MYO18A: variants seen among roughly 807,000 people sequenced by gnomAD.
MYO18A encodes the protein unconventional myosin-XVIIIa.
Under a neutral mutation model 235.8 loss-of-function variants are expected in MYO18A, and 78 were observed. The observed-to-expected ratio is 0.33, with a 90% confidence interval of 0.28 to 0.40. The LOEUF is 0.40. Among genes scored for constraint, MYO18A ranks in the 10% least tolerant of loss-of-function variants. The probability of loss-of-function intolerance (pLI) is 1.00; values close to 1 mark genes in which losing one functional copy is unlikely to be tolerated. For missense variants in MYO18A, 2,215 were observed against 2,699.3 expected, an observed-to-expected ratio of 0.82 and a Z score of 3.98; for synonymous variants, 977 against 1,077.8, an observed-to-expected ratio of 0.91 and a Z score of 1.83.
At chr17:29,130,382 C>G in intron 2 of MYO18A, among the ~76,000 whole-genome samples, 1 of 150,504 alleles carries the variant, frequency 6.6e-6, no homozygotes, top group Non-Finnish European at 1.5e-5. Context: ...ACAGTACTCA[C>G]TATGGGCCAT....
At chr17:29,122,606 C>T (rs560445405) in intron 2 of MYO18A, among the ~76,000 whole-genome samples, 3 of 152,232 alleles carry the variant, frequency 2.0e-5, no homozygotes, top group Non-Finnish European at 4.4e-5. Context: ...TGCTCCTCCA[C>T]CCTGTCAAGC....
chr17:29,115,986 A>G (rs2067050251), intron 11 of MYO18A, 146 bp from the exon 12 acceptor site: 2 of 826,430 alleles, frequency 2.4e-6, no homozygotes, highest in East Asian at 5.5e-5. Flanking sequence ...GAACAGGGGC[A>G]GCCAGCAGTG....
At chr17:29,097,465 A>G in intron 26 of MYO18A, 115 bp from the exon 27 acceptor site, 1 of 1,397,668 alleles carries the variant, frequency 7.2e-7, no homozygotes, top group Non-Finnish European at 9.8e-7. Flanking sequence ...AGGGCTCAGA[A>G]AGCTCTCTGC....
chr17:29,084,651 C>T lies in MYO18A; in HGVS notation c.5897+953G>A, dbSNP rs139467137. Among the ~76,000 whole-genome samples, 7 of 152,280 alleles carry T rather than the reference C, an allele frequency of 4.6e-5. No individual in the cohort carries two copies. The East Asian group carries it at 1.4e-3, about 29-fold the overall frequency. The stretch of plus-strand genomic sequence containing the variant: ...GGGGATATTAATTGTGTGTGACAAC[C>T]AGGCTCCAGCGGCCCTCTATCACTG... On this transcript the variant is annotated intron_variant, in intron 40 of 41. Coordinates refer to ENST00000527372, the MANE Select transcript of MYO18A (RefSeq NM_078471.4).
chr17:29,154,609 G>A, intron 2 of MYO18A, among the ~76,000 whole-genome samples: 1 of 152,210 alleles, frequency 6.6e-6, no homozygotes, highest in Admixed American at 6.5e-5. Flanking sequence ...TTGATCTTGA[G>A]GCATGGCCAA....
At chr17:29,176,854 C>G (rs565107803) in intron 1 of MYO18A, 1 of 152,136 alleles carries the variant, frequency 6.6e-6, no homozygotes, top group Non-Finnish European at 1.5e-5. Context: ...CGCGGGGAGC[C>G]GGGCGGCCCT....
chr17:29,094,611 G>A lies in MYO18A; in HGVS notation c.4710+39C>T, dbSNP rs765345143. 10 of 1,606,450 alleles carry A rather than the reference G, an allele frequency of 6.2e-6. No homozygotes were observed. The Middle Eastern group carries it at 4.9e-4, about 79-fold the overall frequency. ...TGGCTGTGGGGATGGTGGCGGCCTCGCTGCACCTCACCTCTCCCTTGGCCA... is the reference window on the plus strand; with the variant it reads ...TGGCTGTGGGGATGGTGGCGGCCTCACTGCACCTCACCTCTCCCTTGGCCA... On this transcript the variant is annotated intron_variant, in intron 30 of 41. Coordinates refer to ENST00000527372, the MANE Select transcript of MYO18A (RefSeq NM_078471.4).
At chr17:29,154,279 G>T (rs1208199236) in intron 2 of MYO18A, among the ~76,000 whole-genome samples, 1 of 152,042 alleles carries the variant, frequency 6.6e-6, no homozygotes, top group East Asian at 1.9e-4. Flanking sequence ...GTGTAGACAG[G>T]CCTCAGTGTG....
Position 29,111,977 on chromosome 17 carries a change from A to G in MYO18A, c.2599-114T>C. On this transcript the variant is annotated intron_variant, in intron 15 of 41. Coordinates refer to ENST00000527372, the MANE Select transcript of MYO18A (RefSeq NM_078471.4). The surrounding 1 kb of genome is among the most constrained non-coding windows in gnomAD (Gnocchi z 5.1). ...ATGCTACACATGTGCACACATGCACACACGCACATGCCGCAGCTCCTGCCG... is the reference window on the plus strand; with the variant it reads ...ATGCTACACATGTGCACACATGCACGCACGCACATGCCGCAGCTCCTGCCG... The G allele has an allele frequency of 7.6e-7, 1 of 1,311,246 alleles. No homozygotes were observed. The highest frequency in any genetic ancestry group is 1.0e-6 in the Non-Finnish European group (1 of 961,826). The allele number at this position is 1,311,246 out of a possible 1,614,324, so 81.2% of individuals were successfully genotyped here.
chr17:29,165,860 GGGTACCCCGATTACCCAGTCAAGCAGGA>G, intron 2 of MYO18A, 54 bp downstream of exon 2: 1 of 1,325,434 alleles, frequency 7.5e-7, no homozygotes, highest in Non-Finnish European at 1.0e-6. Context: ...AACAGCTCTT[GGGTACCCCGATTACCCAGTCAAGCAGGA>G]GGTGCCCACA....
At chr17:29,124,618 G>C in intron 2 of MYO18A, 1 of 1,266,376 alleles carries the variant, frequency 7.9e-7, no homozygotes, top group Non-Finnish European at 1.0e-6. Context: ...ACTGGAGGGA[G>C]CGGAGGGCTC....
intron 41 of MYO18A, chr17:29,080,639 C>T: frequency 1.0e-6 from 1 of 985,494 alleles, no homozygotes; most frequent in South Asian, 4.7e-5. Context: ...TCGCCAGAGC[C>T]CCGCCGCGTG....
At chr17:29,139,033 G>C (rs1057514154) in intron 2 of MYO18A, among the ~76,000 whole-genome samples, 1 of 152,202 alleles carries the variant, frequency 6.6e-6, no homozygotes, top group African/African-American at 2.4e-5. Context: ...AGCGGGGGAG[G>C]GGGAGATGAG....
At position 29,110,409 on chromosome 17, in the gene MYO18A, G is replaced by A. The variant is rs774121071; in HGVS notation, c.3087+27C>T. 4 of 1,554,334 alleles carry A rather than the reference G, an allele frequency of 2.6e-6. No individual in the cohort carries two copies. In the South Asian group the frequency reaches 4.8e-5, roughly 19 times the overall value. On this transcript the variant is annotated intron_variant, in intron 18 of 41. Coordinates refer to ENST00000527372, the MANE Select transcript of MYO18A (RefSeq NM_078471.4). ...GGGGTAAGGAAGGGTCCCCAGGCCTGCCTGCTGGGACCCGGCTGGCACTCA... is the reference window on the plus strand; with the variant it reads ...GGGGTAAGGAAGGGTCCCCAGGCCTACCTGCTGGGACCCGGCTGGCACTCA...
chr17:29,154,229 T>C (rs2068020466), intron 2 of MYO18A, among the ~76,000 whole-genome samples: 4 of 151,924 alleles, frequency 2.6e-5, no homozygotes, highest in Non-Finnish European at 1.5e-5. Flanking sequence ...TAGGTGATGA[T>C]GGATGGAGGC....
rs1018908022 is a variant in MYO18A at position 29,124,733 on chromosome 17, T to A, written c.1000-2480A>T. On this transcript the variant is annotated intron_variant, in intron 2 of 41. Transcript: ENST00000527372. ...GAGAGAGAGAGAAGAAGGGTGAAGA[T>A]AAGCAGACCACTGGCACGCCCCCTT... 4.0e-6 allele frequency: 5 copies of A among 1,257,322 alleles called. No homozygotes were observed. In the African/African-American group the frequency reaches 4.6e-5, roughly 12 times the overall value. The allele number at this position is 1,257,322 out of a possible 1,614,324, so 77.9% of individuals were successfully genotyped here.
intron 2 of MYO18A, among the ~76,000 whole-genome samples, chr17:29,161,945 G>C (rs1335570533): frequency 4.6e-5 from 7 of 152,168 alleles, no homozygotes; most frequent in Non-Finnish European, 7.3e-5. Flanking sequence ...TCCAAATACA[G>C]ATGCCCCCCA....
intron 41 of MYO18A, chr17:29,080,534 T>C (rs1326991164): frequency 2.0e-6 from 2 of 986,032 alleles, no homozygotes; most frequent in Admixed American, 6.1e-5. Context: ...AGGGAAGGGC[T>C]GAGTGTCCTG....
Position 29,109,982 on chromosome 17 carries a change from G to A in MYO18A, c.3207C>T (p.Ser1069=). ...CTCCCGAGGGCAGGTCCAGCTCACTGCTGCTGCTGACTCGGCGGGAGGAGG... is the reference window on the plus strand; with the variant it reads ...CTCCCGAGGGCAGGTCCAGCTCACTACTGCTGCTGACTCGGCGGGAGGAGG... ...RSASSRRVSS[S]SELDLPSGDH... Residue 1069 remains serine (S), a synonymous_variant, in exon 19 of 42, where the codon AGC becomes AGT. Transcript: ENST00000527372. The surrounding 1 kb of genome is among the most constrained non-coding windows in gnomAD (Gnocchi z 4.1). 1 of 1,611,390 alleles carries A rather than the reference G, an allele frequency of 6.2e-7. No homozygotes were observed. Among genetic ancestry groups the A allele is most frequent in the Non-Finnish European group, 8.5e-7 (1 of 1,178,980 alleles).
Sources: allele counts gnomAD v4.1 joint callset (sites outside exome capture counted in the v4.1 genomes callset), GRCh38; gene constraint gnomAD v4.1.1; non-coding constraint Gnocchi (gnomAD v3.1); transcripts MANE v1.5; gene names NCBI Gene and HGNC (gene_info 2026-07-23, HGNC 2026-07-21).